TTC23: variants seen among roughly 807,000 people sequenced by gnomAD.
TTC23 encodes tetratricopeptide repeat protein 23.
A neutral mutation model predicts 55.1 loss-of-function variants in TTC23; 58 were observed. The observed-to-expected ratio is 1.05, with a 90% confidence interval of 0.85 to 1.31. The LOEUF (loss-of-function observed/expected upper bound fraction) is 1.31. Ranked by LOEUF, TTC23 falls within the 50% of genes most tolerant of loss-of-function variation. The probability of loss-of-function intolerance (pLI) is 0.00; values close to 1 mark genes in which losing one functional copy is unlikely to be tolerated. For synonymous variants in TTC23, 203 were observed against 199.9 expected (o/e 1.02, Z -0.13); for missense variants, 516 against 534.4 (o/e 0.97, Z 0.34).
chr15:99,241,263 C>T (rs1223952), intron 3 of TTC23, 102 bp downstream of exon 3: 3,065 of 152,668 alleles, frequency 0.02, 89 homozygotes, highest in African/African-American at 0.07. Flanking sequence ...TGCAGTGAGC[C>T]GAGATTGTGC....
At chr15:99,219,102 A>G in intron 6 of TTC23, 54 bp from the exon 7 acceptor site, 2 of 1,584,046 alleles carry the variant, frequency 1.3e-6, no homozygotes, top group Non-Finnish European at 8.6e-7. Flanking sequence ...ACTGGACAGG[A>G]ATACAGTTCC....
chr15:99,193,142 C>T (rs1282915515), intron 9 of TTC23, among the ~76,000 whole-genome samples: 1 of 152,182 alleles, frequency 6.6e-6, no homozygotes, highest in Non-Finnish European at 1.5e-5. Context: ...GCAGACAGGA[C>T]TTGCCTTGTC....
intron 10 of TTC23, among the ~76,000 whole-genome samples, chr15:99,174,288 T>C (rs1456246467): frequency 6.6e-6 from 1 of 152,188 alleles, no homozygotes; most frequent in African/African-American, 2.4e-5. Flanking sequence ...GCTGGCCTCA[T>C]TTTAGCCTGA....
At chr15:99,242,628 G>C (rs1437967307) in intron 2 of TTC23, among the ~76,000 whole-genome samples, 2 of 152,126 alleles carry the variant, frequency 1.3e-5, no homozygotes, top group African/African-American at 4.8e-5. Context: ...ATATACAAAG[G>C]ATAATACATT....
intron 12 of TTC23, among the ~76,000 whole-genome samples, chr15:99,146,245 G>A (rs552616700): frequency 5.3e-5 from 8 of 152,302 alleles, no homozygotes; most frequent in East Asian, 1.9e-4. Flanking sequence ...AAGTGGAGCC[G>A]GCTTTTTGTA....
rs781804812 is a variant in TTC23 at position 99,139,305 on chromosome 15, A to G, written c.1226+12T>C. 31 of 1,610,234 alleles carry G rather than the reference A, an allele frequency of 1.9e-5. No homozygotes were observed. The highest frequency in any genetic ancestry group is 2.5e-5 in the Non-Finnish European group (29 of 1,179,958). On this transcript the variant is annotated intron_variant, in intron 13 of 13. Transcript: ENST00000394132. ...GAATGAGATAGAGAAAGTGTGAGGG[A>G]CGCCAACTCACGTGGACAGCATGCC...
intron 9 of TTC23, among the ~76,000 whole-genome samples, chr15:99,185,205 T>C (rs2074548649): frequency 2.6e-5 from 4 of 152,220 alleles, no homozygotes; most frequent in Admixed American, 2.6e-4. Context: ...AGTATTAATA[T>C]TTTCAGAGGT....
intron 9 of TTC23, among the ~76,000 whole-genome samples, chr15:99,183,686 C>A (rs1820503126): frequency 6.6e-6 from 1 of 151,946 alleles, no homozygotes; most frequent in Non-Finnish European, 1.5e-5. Flanking sequence ...AGTGACAGAG[C>A]ATAAAAGTTT....
At chr15:99,178,589 C>T (rs2073828462) in intron 9 of TTC23, among the ~76,000 whole-genome samples, 1 of 152,204 alleles carries the variant, frequency 6.6e-6, no homozygotes, top group African/African-American at 2.4e-5. Context: ...TTTAAAGGAG[C>T]TCACATGTGA....
intron 9 of TTC23, among the ~76,000 whole-genome samples, chr15:99,187,725 A>T (rs1252113387): frequency 6.6e-6 from 1 of 152,092 alleles, no homozygotes; most frequent in East Asian, 1.9e-4. Flanking sequence ...ATGGCCAATA[A>T]GCCTATGAAA....
chr15:99,215,411 G>A (rs889693719), intron 8 of TTC23, among the ~76,000 whole-genome samples: 22 of 152,022 alleles, frequency 1.4e-4, no homozygotes, highest in African/African-American at 5.1e-4. Flanking sequence ...ATAAATCAGG[G>A]ATATAAGTGA....
chr15:99,225,368 T>C (rs978976880), intron 5 of TTC23, among the ~76,000 whole-genome samples: 3 of 152,162 alleles, frequency 2.0e-5, no homozygotes, highest in Non-Finnish European at 2.9e-5. Context: ...GGGAGGAACC[T>C]TGGAAATCAT....
chr15:99,201,913 A>AT (rs1474180553), intron 8 of TTC23, among the ~76,000 whole-genome samples: 1 of 152,214 alleles, frequency 6.6e-6, no homozygotes, highest in Admixed American at 6.5e-5. Flanking sequence ...GTAAGAAATC[A>AT]TTTAGCCAAA....
chr15:99,238,441 G>C (rs894681605), intron 3 of TTC23, among the ~76,000 whole-genome samples: 2 of 152,126 alleles, frequency 1.3e-5, no homozygotes, highest in Admixed American at 6.5e-5. Flanking sequence ...CTAGAAGAGT[G>C]GCAAGTGCTA....
chr15:99,182,845 A>G (rs1043706302), intron 9 of TTC23, among the ~76,000 whole-genome samples: 13 of 151,772 alleles, frequency 8.6e-5, no homozygotes, highest in African/African-American at 2.9e-4. Flanking sequence ...AAAAACCAGT[A>G]ATCTTCCCCT....
intron 8 of TTC23, 62 bp from the exon 9 acceptor site, chr15:99,200,158 G>C: frequency 1.4e-6 from 2 of 1,393,644 alleles, no homozygotes; most frequent in Non-Finnish European, 1.9e-6. Context: ...GAAAATATAG[G>C]TGAGCTGGTA....
chr15:99,216,534 A>C (rs948144744), intron 8 of TTC23, among the ~76,000 whole-genome samples: 1 of 152,120 alleles, frequency 6.6e-6, no homozygotes, highest in Non-Finnish European at 1.5e-5. Context: ...TCAATAGGAA[A>C]GGTACAGGAA....
intron 12 of TTC23, among the ~76,000 whole-genome samples, chr15:99,145,688 GTCTC>G (rs781828781): frequency 2.0e-4 from 31 of 152,134 alleles, no homozygotes; most frequent in Admixed American, 1.2e-3. Flanking sequence ...CTCTGTCTCT[GTCTC>G]TCTCTCTTTC....
intron 3 of TTC23, among the ~76,000 whole-genome samples, chr15:99,235,883 T>C (rs1179974282): frequency 6.6e-6 from 1 of 152,228 alleles, no homozygotes; most frequent in Non-Finnish European, 1.5e-5. Flanking sequence ...CTAGGTACTT[T>C]GTATGTGTGG....
Sources: gnomAD v4.1 joint callset for allele counts (sites outside exome capture counted in the v4.1 genomes callset) on GRCh38, gnomAD v4.1.1 for gene constraint, MANE v1.5 for transcripts, NCBI Gene and HGNC (gene_info 2026-07-23, HGNC 2026-07-21) for gene names.